HSPA12A: variants seen among roughly 807,000 people sequenced by gnomAD.
HSPA12A encodes the protein heat shock 70 kDa protein 12A.
A neutral mutation model predicts 69.2 loss-of-function variants in HSPA12A; 28 were observed. That is an observed-to-expected ratio of 0.40 (90% confidence interval 0.30 to 0.55). The LOEUF is 0.55. HSPA12A is among the 20% of genes least tolerant of loss of function. HSPA12A has a pLI of 0.38. For missense variants in HSPA12A, 686 were observed against 900.7 expected (o/e 0.76, Z 3.05); for synonymous variants, 345 against 370.5 (o/e 0.93, Z 0.79).
chr10:116,789,429 G>C (rs906640159), intron 2 of HSPA12A, among the ~76,000 whole-genome samples: 7 of 152,086 alleles, frequency 4.6e-5, no homozygotes, highest in Middle Eastern at 3.4e-3. Context: ...GGGAAATGAA[G>C]GATGAGTATA....
At chr10:116,697,210 A>G (rs1247121890) in intron 5 of HSPA12A, among the ~76,000 whole-genome samples, 1 of 152,158 alleles carries the variant, frequency 6.6e-6, no homozygotes, top group Non-Finnish European at 1.5e-5. Context: ...GTCACACAAT[A>G]CCAAATGCTT....
intron 1 of HSPA12A, among the ~76,000 whole-genome samples, chr10:116,722,096 C>T (rs1350190774): frequency 2.0e-5 from 3 of 152,258 alleles, no homozygotes; most frequent in African/African-American, 7.2e-5. Flanking sequence ...CTGTCCCTCC[C>T]AGGCGCAGGC....
upstream of HSPA12A, among the ~76,000 whole-genome samples, chr10:116,744,097 C>G (rs557474052): frequency 6.6e-6 from 1 of 152,346 alleles, no homozygotes; most frequent in Admixed American, 6.5e-5. Context: ...CTCACCCCTT[C>G]AGTCCATGCT....
intron 1 of HSPA12A, among the ~76,000 whole-genome samples, chr10:116,727,497 G>A (rs937831234): frequency 1.3e-5 from 2 of 152,178 alleles, no homozygotes; most frequent in Non-Finnish European, 2.9e-5. Context: ...TAGCTACACC[G>A]AGTCCAGGTA....
chr10:116,729,452 C>T (rs1036062754), intron 1 of HSPA12A, among the ~76,000 whole-genome samples: 2 of 152,132 alleles, frequency 1.3e-5, no homozygotes, highest in East Asian at 1.9e-4. Context: ...GACCTTTGAA[C>T]GACATGAGGG....
rs544083351 is a variant in HSPA12A, at chr10:116,707,320, G to T, written c.41-35C>A. On this transcript the variant is annotated intron_variant, in intron 1 of 11. Transcript: ENST00000369209. ...AAAACAAAGCCGCCTCCTTAGAAGT[G>T]GCATGGACTGACCCAGGGGGAAGAA... 5.3e-6 allele frequency: 8 copies of T among 1,519,928 alleles called. 1 individual carries two copies. The South Asian group carries it at 8.2e-5, about 16-fold the overall frequency. 94.2% of individuals were successfully genotyped at this position (1,519,928 alleles called of 1,614,324 possible). A position where few individuals can be genotyped will look rare whatever the true frequency, so the allele number is the denominator to read the frequency against.
intron 1 of HSPA12A, among the ~76,000 whole-genome samples, chr10:116,734,213 AACCAAGACAGGCAGATC>A (rs1222946099): frequency 6.8e-6 from 1 of 147,246 alleles, no homozygotes; most frequent in South Asian, 2.1e-4. Flanking sequence ...AGCTTTGGGA[AACCAAGACAGGCAGATC>A]ACCAAGACAG....
intron 2 of HSPA12A, among the ~76,000 whole-genome samples, chr10:116,786,445 GA>G (rs1313756924): frequency 9.1e-5 from 7 of 76,574 alleles, no homozygotes; most frequent in African/African-American, 1.9e-4. Context: ...GAAAAAAAAA[GA>G]AAAAAAAGAT....
chr10:116,849,627 C>T (rs756587535), exon 1 of HSPA12A: 19 of 1,550,112 alleles, frequency 1.2e-5, no homozygotes, highest in Non-Finnish European at 1.6e-5. Context: ...GAAGCTGAAG[C>T]AGCAGGCGAT....
chr10:116,713,540 T>C (rs1177655151), intron 1 of HSPA12A, among the ~76,000 whole-genome samples: 1 of 152,188 alleles, frequency 6.6e-6, no homozygotes, highest in Non-Finnish European at 1.5e-5. Flanking sequence ...TTACCCCTCC[T>C]ACCTCCCTGA....
At chr10:116,758,072 G>A (rs1056866852) in intron 2 of HSPA12A, among the ~76,000 whole-genome samples, 4 of 152,120 alleles carry the variant, frequency 2.6e-5, no homozygotes, top group Admixed American at 1.3e-4. Context: ...AACAAGAACA[G>A]GATCAATAAA....
chr10:116,697,964 C>T (rs1554881082), intron 5 of HSPA12A, among the ~76,000 whole-genome samples: 1 of 152,210 alleles, frequency 6.6e-6, no homozygotes, highest in South Asian at 2.1e-4. Context: ...TTTCACTTCA[C>T]ATGGCGTTTT....
In HSPA12A at chr10:116,686,804, C is replaced by T. The variant is rs1849588005; in HGVS notation, c.664-2842G>A. On this transcript the variant is annotated intron_variant, in intron 6 of 11. Coordinates refer to ENST00000369209, the MANE Select transcript of HSPA12A (RefSeq NM_025015.3). This position sits in a 1 kb window ranked among gnomAD's most constrained non-coding sequence, Gnocchi z 4.1. ...TCCACCCCTCATCCCTCTTCCCACACCATAAGCTCCACCCCCACCCCTTCC... is the reference window on the plus strand; with the variant it reads ...TCCACCCCTCATCCCTCTTCCCACATCATAAGCTCCACCCCCACCCCTTCC... Among the ~76,000 whole-genome samples, 2 of 151,112 alleles carry T rather than the reference C, an allele frequency of 1.3e-5. No individual in the cohort carries two copies. Among genetic ancestry groups the T allele is most frequent in the Admixed American group, 6.6e-5 (1 of 15,182 alleles).
intron 1 of HSPA12A, among the ~76,000 whole-genome samples, chr10:116,726,381 C>G (rs1850962936): frequency 2.0e-5 from 3 of 152,114 alleles, no homozygotes; most frequent in African/African-American, 7.2e-5. Context: ...GCTGCTCACT[C>G]TACCTCTCTC....
intron 1 of HSPA12A, among the ~76,000 whole-genome samples, chr10:116,849,028 G>T (rs371081714): frequency 1.6e-4 from 25 of 152,276 alleles, no homozygotes; most frequent in East Asian, 1.5e-3. Flanking sequence ...GATCGCCACC[G>T]CTCAGTAAGG....
chr10:116,828,349 C>G (rs1845549470), intron 2 of HSPA12A, among the ~76,000 whole-genome samples: 1 of 152,174 alleles, frequency 6.6e-6, no homozygotes, highest in Non-Finnish European at 1.5e-5. Context: ...CACCTCCTGG[C>G]CTGTGGTAGA....
At chr10:116,820,632 T>G (rs1845394626) in intron 2 of HSPA12A, among the ~76,000 whole-genome samples, 1 of 152,104 alleles carries the variant, frequency 6.6e-6, no homozygotes, top group African/African-American at 2.4e-5. Context: ...CTCATTGCTG[T>G]GGCTCTGAAT....
chr10:116,839,728 A>G (rs1289749577), intron 1 of HSPA12A, among the ~76,000 whole-genome samples: 2 of 151,966 alleles, frequency 1.3e-5, no homozygotes, highest in Non-Finnish European at 1.5e-5. Context: ...AGGTGAGTCT[A>G]TCATAAACAA....
Position 116,679,577 on chromosome 10 carries a change from G to T in HSPA12A, c.1212C>A (p.Thr404=). Residue 404 remains threonine (T), a synonymous_variant, in exon 10 of 12, where the codon ACC becomes ACA. Transcript: ENST00000369209. ...AGTAGTCAATGAAGGAGAAGGGCAG[G>T]GTGATGTTCAGCGGGTTAGTTCTGT... ...APDRTNPLNI[T]LPFSFIDYYK... 1.2e-6 allele frequency: 2 copies of T among 1,614,244 alleles called. No individual in the cohort carries two copies. Among genetic ancestry groups the T allele is most frequent in the Non-Finnish European group, 1.7e-6 (2 of 1,180,048 alleles).
Sources: allele counts gnomAD v4.1 joint callset (sites outside exome capture counted in the v4.1 genomes callset), GRCh38; gene constraint gnomAD v4.1.1; non-coding constraint Gnocchi (gnomAD v3.1); transcripts MANE v1.5; gene names NCBI Gene and HGNC (gene_info 2026-07-23, HGNC 2026-07-21).